The following VOPP1 variants were observed in gnomAD, a reference collection of about 807,000 sequenced individuals.
VOPP1 encodes the protein WW domain binding protein VOPP1.
VOPP1 carries 8 observed loss-of-function variants against 23.5 expected under a neutral mutation model. The ratio of observed to expected loss-of-function variants is 0.34; its 90% CI spans 0.20 to 0.61. The LOEUF is 0.61. Among genes scored for constraint, VOPP1 ranks in the 20% least tolerant of loss-of-function variants. The pLI is 0.78. For synonymous variants in VOPP1, 83 were observed against 97.3 expected, an observed-to-expected ratio of 0.85 and a Z score of 0.86; for missense variants, 174 against 238.1, an observed-to-expected ratio of 0.73 and a Z score of 1.77.
At chr7:55,437,429 T>C (rs1790859023) in intron 4 of VOPP1, among the ~76,000 whole-genome samples, 1 of 152,268 alleles carries the variant, frequency 6.6e-6, no homozygotes, top group Non-Finnish European at 1.5e-5. Context: ...CCTACTGATA[T>C]CTCAAGGCAT....
chr7:55,571,031 C>T (rs559337933), intron 1 of VOPP1, among the ~76,000 whole-genome samples: 3 of 152,232 alleles, frequency 2.0e-5, no homozygotes, highest in East Asian at 1.9e-4. Flanking sequence ...TGTTTTCATG[C>T]GATTACTGGT....
At chr7:55,568,768 G>A (rs1304177310) in intron 1 of VOPP1, among the ~76,000 whole-genome samples, 1 of 152,208 alleles carries the variant, frequency 6.6e-6, no homozygotes, top group African/African-American at 2.4e-5. Context: ...GGATTCAACT[G>A]AAGTGTAGTC....
intron 3 of VOPP1, among the ~76,000 whole-genome samples, chr7:55,496,710 A>G (rs950017675): frequency 6.6e-6 from 1 of 152,250 alleles, no homozygotes; most frequent in Admixed American, 6.5e-5. Context: ...CACAGGTGTT[A>G]AGGGAGAAAG....
At chr7:55,458,552 A>T (rs1380057651) in intron 4 of VOPP1, among the ~76,000 whole-genome samples, 5 of 152,054 alleles carry the variant, frequency 3.3e-5, no homozygotes, top group Non-Finnish European at 7.4e-5. Flanking sequence ...ATGCACATGG[A>T]ATGTCTTTCC....
chr7:55,475,777 G>A (rs1001939951), intron 4 of VOPP1, among the ~76,000 whole-genome samples: 1 of 152,344 alleles, frequency 6.6e-6, no homozygotes, highest in East Asian at 1.9e-4. Context: ...GGTAGAAAGG[G>A]TAAGGAGAGG....
At chr7:55,521,172 T>C in intron 1 of VOPP1, 42 bp from the exon 2 acceptor site, 1 of 1,541,502 alleles carries the variant, frequency 6.5e-7, no homozygotes, top group African/African-American at 1.4e-5. Flanking sequence ...TACTCAGGAA[T>C]CTGCATGTTG....
At chr7:55,558,119 G>C (rs1432750380) in intron 1 of VOPP1, among the ~76,000 whole-genome samples, 1 of 152,136 alleles carries the variant, frequency 6.6e-6, no homozygotes, top group Admixed American at 6.5e-5. Context: ...AAATCAGTGA[G>C]TCCTAGAGGG....
intron 1 of VOPP1, among the ~76,000 whole-genome samples, chr7:55,561,243 C>T (rs1357965527): frequency 1.3e-5 from 2 of 152,120 alleles, no homozygotes; most frequent in African/African-American, 2.4e-5. Context: ...CCCCACTGAA[C>T]TTCAACTCTA....
At chr7:55,528,773 TA>T in intron 1 of VOPP1, among the ~76,000 whole-genome samples, 1 of 151,578 alleles carries the variant, frequency 6.6e-6, no homozygotes, top group South Asian at 2.1e-4. Flanking sequence ...ATAAAAATAA[TA>T]AAGTTTGTGA....
Position 55,561,782 on chromosome 7 carries a change from A to G in VOPP1, c.54+10489T>C, listed in dbSNP as rs1041075376. 4 of 535,830 alleles carry G rather than the reference A, an allele frequency of 7.5e-6. No homozygotes were observed. In the African/African-American group the frequency reaches 7.8e-5, roughly 10 times the overall value. The allele number at this position is 535,830 out of a possible 1,614,324, so 33.2% of individuals were successfully genotyped here. ...AAAAAAACAAACAAGCAATTACAGT[A>G]TCTGAGCTCAGAGCACGTGGGAGTA... On this transcript the variant is annotated intron_variant, in intron 1 of 4. Transcript: ENST00000285279.
intron 2 of VOPP1, among the ~76,000 whole-genome samples, chr7:55,504,849 T>C (rs529906699): frequency 8.5e-5 from 13 of 152,366 alleles, no homozygotes; most frequent in African/African-American, 1.9e-4. Context: ...TCCACACTTA[T>C]TGGAGCTTCA....
intron 4 of VOPP1, among the ~76,000 whole-genome samples, chr7:55,444,805 A>G (rs1163108897): frequency 1.3e-5 from 2 of 151,912 alleles, no homozygotes; most frequent in Non-Finnish European, 2.9e-5. Context: ...TTTACAAGCT[A>G]TACCCTTGAT....
chr7:55,566,556 T>C (rs999754733), intron 1 of VOPP1, among the ~76,000 whole-genome samples: 2 of 152,318 alleles, frequency 1.3e-5, no homozygotes, highest in Middle Eastern at 3.4e-3. Flanking sequence ...AGGGAGACCA[T>C]ATCTCTAAAT....
intron 1 of VOPP1, among the ~76,000 whole-genome samples, chr7:55,554,666 C>T (rs1035751104): frequency 6.6e-6 from 1 of 152,140 alleles, no homozygotes; most frequent in African/African-American, 2.4e-5. Context: ...AACCAATGGG[C>T]GGAGCTTTGG....
intron 1 of VOPP1, among the ~76,000 whole-genome samples, chr7:55,527,578 CAGA>C (rs1223964997): frequency 1.3e-5 from 2 of 152,156 alleles, no homozygotes; most frequent in Admixed American, 6.5e-5. Flanking sequence ...TCGTGTTCAG[CAGA>C]AGGACAGGGG....
intron 4 of VOPP1, among the ~76,000 whole-genome samples, chr7:55,484,657 A>C (rs1792994208): frequency 6.6e-6 from 1 of 152,218 alleles, no homozygotes; most frequent in Admixed American, 6.5e-5. Context: ...AGCAAAGCTA[A>C]TTAACAAAAA....
chr7:55,555,158 G>A (rs1012560266), intron 1 of VOPP1, among the ~76,000 whole-genome samples: 7 of 152,226 alleles, frequency 4.6e-5, no homozygotes, highest in Non-Finnish European at 7.3e-5. Flanking sequence ...CAATCTGCCT[G>A]TAGAACTTGG....
chr7:55,546,156 C>G (rs548666826), intron 1 of VOPP1, among the ~76,000 whole-genome samples: 2 of 152,362 alleles, frequency 1.3e-5, no homozygotes, highest in South Asian at 4.1e-4. Flanking sequence ...CAGATACTCA[C>G]TAAGCACTCC....
At chr7:55,566,140 G>T (rs1393494209) in intron 1 of VOPP1, among the ~76,000 whole-genome samples, 1 of 152,186 alleles carries the variant, frequency 6.6e-6, no homozygotes, top group Admixed American at 6.5e-5. Flanking sequence ...GGCCAAAGGA[G>T]AATGATATGA....
Sources: allele counts gnomAD v4.1 joint callset (sites outside exome capture counted in the v4.1 genomes callset), GRCh38; gene constraint gnomAD v4.1.1; transcripts MANE v1.5; gene names NCBI Gene and HGNC (gene_info 2026-07-23, HGNC 2026-07-21).